OPRM1: variants seen among roughly 807,000 people sequenced by gnomAD.
OPRM1 encodes opioid receptor mu 1.
In OPRM1, 27 loss-of-function variants were observed where a neutral mutation model predicts 31.8. That is an observed-to-expected ratio of 0.85 (90% confidence interval 0.63 to 1.17). The LOEUF (loss-of-function observed/expected upper bound fraction) is 1.17, where lower values mean the gene tolerates loss of function less well. OPRM1 is among the 50% of genes most tolerant of loss of function. The probability of loss-of-function intolerance (pLI) is 0.00; values close to 1 mark genes in which losing one functional copy is unlikely to be tolerated. For synonymous variants in OPRM1, 196 were observed against 189.9 expected (o/e 1.03, Z -0.26); for missense variants, 536 against 511.1 (o/e 1.05, Z -0.47).
chr6:154,161,677 C>T (rs747397479), intron 3 of OPRM1, among the ~76,000 whole-genome samples: 19 of 152,272 alleles, frequency 1.2e-4, no homozygotes, highest in African/African-American at 1.7e-4. Flanking sequence ...TAGGTATTTA[C>T]GGGTAAGTCA....
chr6:154,199,815 T>C (rs1336574611), intron 3 of OPRM1: 1 of 1,614,222 alleles, frequency 6.2e-7, no homozygotes, highest in Admixed American at 1.7e-5. Context: ...GCCTTGTGGA[T>C]GCCTGCCTCT....
In OPRM1 at chr6:154,127,147, A is replaced by G. The variant is rs1797638954; in HGVS notation, c.*8426A>G. Among the ~76,000 whole-genome samples, 1 of 150,614 alleles carries G rather than the reference A, an allele frequency of 6.6e-6. No homozygotes were observed. The highest frequency in any genetic ancestry group is 2.4e-5 in the African/African-American group (1 of 40,996). On this transcript the variant is annotated 3_prime_UTR_variant, in exon 4 of 4. Coordinates refer to ENST00000330432, the MANE Select transcript of OPRM1 (RefSeq NM_000914.5). ...TGCCACATGCCATGCTATGTGCCCAAAGTTTCCTTCACACAACACAGCCTT... is the reference window on the plus strand; with the variant it reads ...TGCCACATGCCATGCTATGTGCCCAGAGTTTCCTTCACACAACACAGCCTT...
In OPRM1 at chr6:154,122,721, T is replaced by G. The variant is rs115308362; in HGVS notation, c.*4000T>G. On this transcript the variant is annotated 3_prime_UTR_variant, in exon 4 of 4. Coordinates refer to ENST00000330432, the MANE Select transcript of OPRM1 (RefSeq NM_000914.5). ...TGCAGTGTGTGGCAAATGTTCAACC[T>G]TTTGTTATGCAATATCACCCATATC... Among the ~76,000 whole-genome samples, 6 of 152,180 alleles carry G rather than the reference T, an allele frequency of 3.9e-5. No homozygotes were observed. The highest frequency in any genetic ancestry group is 1.4e-4 in the African/African-American group (6 of 41,438).
intron 3 of OPRM1, among the ~76,000 whole-genome samples, chr6:154,163,920 G>A (rs1400548499): frequency 6.6e-6 from 1 of 152,164 alleles, no homozygotes; most frequent in Non-Finnish European, 1.5e-5. Context: ...AGAAAAAACA[G>A]TGCAGTAGGA....
intron 1 of OPRM1, among the ~76,000 whole-genome samples, chr6:154,050,529 T>C (rs976963144): frequency 6.6e-6 from 1 of 152,094 alleles, no homozygotes; most frequent in African/African-American, 2.4e-5. Flanking sequence ...TTCTTACTTA[T>C]TTGTGTTATC....
intron 3 of OPRM1, among the ~76,000 whole-genome samples, chr6:154,206,901 T>C (rs971781380): frequency 6.6e-6 from 1 of 152,208 alleles, no homozygotes; most frequent in African/African-American, 2.4e-5. Flanking sequence ...AAGACTGCAA[T>C]GGCAGCCTGA....
At chr6:154,108,853 T>A (rs2128514322) in intron 3 of OPRM1, 1 of 985,058 alleles carries the variant, frequency 1.0e-6, no homozygotes, top group African/African-American at 1.7e-5. Flanking sequence ...AAACCAAGCA[T>A]ACTAGAAGTG....
chr6:154,053,937 T>C (rs1042165553), intron 1 of OPRM1, among the ~76,000 whole-genome samples: 10 of 152,178 alleles, frequency 6.6e-5, no homozygotes, highest in African/African-American at 2.2e-4. Flanking sequence ...TGAATAATAA[T>C]TGAGTCTCCT....
chr6:154,164,414 A>G (rs1285736931), intron 3 of OPRM1, among the ~76,000 whole-genome samples: 1 of 152,202 alleles, frequency 6.6e-6, no homozygotes, highest in Non-Finnish European at 1.5e-5. Flanking sequence ...CAGAAGAAGG[A>G]AATTAATGAA....
chr6:154,100,066 A>ATATGAT (rs1794423695), intron 3 of OPRM1, among the ~76,000 whole-genome samples: 1 of 133,656 alleles, frequency 7.5e-6, no homozygotes, highest in Non-Finnish European at 1.5e-5. Flanking sequence ...GATATATATC[A>ATATGAT]TGATATATAT....
intron 3 of OPRM1, among the ~76,000 whole-genome samples, chr6:154,152,377 A>AAAG (rs1798556936): frequency 6.6e-6 from 1 of 150,576 alleles, no homozygotes; most frequent in Non-Finnish European, 1.5e-5. Context: ...AGAAAGAAAG[A>AAAG]AAGAAAGAAA....
At chr6:154,107,813 G>C in intron 3 of OPRM1, 1 of 718,112 alleles carries the variant, frequency 1.4e-6, no homozygotes, top group Non-Finnish European at 2.6e-6. Context: ...GCTTACAGGT[G>C]TTCCAAGCCC....
upstream of OPRM1, among the ~76,000 whole-genome samples, chr6:154,034,271 G>A (rs1311795753): frequency 6.6e-6 from 1 of 152,208 alleles, no homozygotes; most frequent in East Asian, 1.9e-4. Context: ...GAGGCCGGGC[G>A]CGGTGGCTCA....
At chr6:154,056,851 A>G (rs545860225) in intron 1 of OPRM1, among the ~76,000 whole-genome samples, 2 of 152,320 alleles carry the variant, frequency 1.3e-5, no homozygotes, top group African/African-American at 4.8e-5. Context: ...TATTATCAAC[A>G]TTATAATTTC....
At chr6:154,074,868 C>T (rs1033493024) in intron 1 of OPRM1, among the ~76,000 whole-genome samples, 21 of 152,004 alleles carry the variant, frequency 1.4e-4, no homozygotes, top group African/African-American at 5.1e-4. Context: ...GAAGGATAGA[C>T]ACGGAAAAAC....
chr6:154,069,077 A>G (rs1786082586), intron 1 of OPRM1, among the ~76,000 whole-genome samples: 1 of 152,120 alleles, frequency 6.6e-6, no homozygotes, highest in South Asian at 2.1e-4. Context: ...TTGGTTTGTA[A>G]GAGCTTCTTA....
chr6:154,246,412 A>G (rs1234972034), intron 3 of OPRM1, among the ~76,000 whole-genome samples: 2 of 152,188 alleles, frequency 1.3e-5, no homozygotes, highest in African/African-American at 4.8e-5. Flanking sequence ...TTCTCCATAA[A>G]ACACAGAAGC....
At chr6:154,047,070 A>G (rs904596609) in intron 1 of OPRM1, among the ~76,000 whole-genome samples, 2 of 152,160 alleles carry the variant, frequency 1.3e-5, no homozygotes, top group African/African-American at 4.8e-5. Context: ...TATGATTAGG[A>G]CAATAAGGGA....
In OPRM1 at chr6:154,126,049, G is replaced by A. The variant is rs1300159308; in HGVS notation, c.*7328G>A. On this transcript the variant is annotated 3_prime_UTR_variant, in exon 4 of 4. Transcript: ENST00000330432. ...GATCTCCTGACCTCGTGATCCGCCC[G>A]CCTCGGCCTCCCAAAGTGCTGGGAT... 1.5e-5 allele frequency among the ~76,000 whole-genome samples: 2 copies of A among 134,522 alleles called. 1 individual carries two copies. The highest frequency in any genetic ancestry group is 3.2e-5 in the Non-Finnish European group (2 of 62,366). 88.3% of individuals were successfully genotyped at this position (134,522 alleles called of 152,430 possible).
Sources: allele counts gnomAD v4.1 joint callset (sites outside exome capture counted in the v4.1 genomes callset), GRCh38; gene constraint gnomAD v4.1.1; transcripts MANE v1.5; gene names NCBI Gene and HGNC (gene_info 2026-07-23, HGNC 2026-07-21).